The following ZNF652 variants were observed in gnomAD, a reference collection of about 807,000 sequenced individuals.
ZNF652 encodes zinc finger protein 652.
A neutral mutation model predicts 45.2 loss-of-function variants in ZNF652; 16 were observed. The ratio of observed to expected loss-of-function variants is 0.35; its 90% CI spans 0.24 to 0.54. The LOEUF (loss-of-function observed/expected upper bound fraction) is 0.54. Among genes scored for constraint, ZNF652 ranks in the 20% least tolerant of loss-of-function variants. The pLI is 0.91. For missense variants in ZNF652, 614 were observed against 765.6 expected (o/e 0.80, Z 2.34); for synonymous variants, 250 against 260.6 (o/e 0.96, Z 0.39).
Position 49,356,954 on chromosome 17 carries a change from T to C in ZNF652, c.-259+4955A>G, listed in dbSNP as rs141603070. On this transcript the variant is annotated intron_variant, in intron 1 of 5. Coordinates refer to ENST00000430262, the MANE Select transcript of ZNF652 (RefSeq NM_001145365.3). ...AATAAAACTGTATACATGGCCCTAA[T>C]TGCATTTACTTTTCAAGGTAATCAA... is the stretch of plus-strand genomic sequence containing the variant. Among the ~76,000 whole-genome samples the C allele has an allele frequency of 2.2e-3, 329 of 151,702 alleles. 2 individuals are homozygous for C. The highest frequency in any genetic ancestry group is 7.5e-3 in the African/African-American group (308 of 41,340).
intron 1 of ZNF652, among the ~76,000 whole-genome samples, chr17:49,323,945 T>C (rs2069926616): frequency 6.6e-6 from 1 of 152,218 alleles, no homozygotes; most frequent in African/African-American, 2.4e-5. Context: ...TTTGGAATAG[T>C]AAGTGAACAA....
chr17:49,317,802 A>G lies in ZNF652; in HGVS notation c.-77T>C. The G allele has an allele frequency of 7.2e-7, 1 of 1,381,730 alleles. No homozygotes were observed. Among genetic ancestry groups the G allele is most frequent in the South Asian group, 1.6e-5 (1 of 63,092 alleles). The allele number at this position is 1,381,730 out of a possible 1,614,324, so 85.6% of individuals were successfully genotyped here. A position where few individuals can be genotyped will look rare whatever the true frequency, so the allele number is the denominator to read the frequency against. On this transcript the variant is annotated 5_prime_UTR_variant, in exon 2 of 6. Transcript: ENST00000430262. The stretch of plus-strand genomic sequence containing the variant: ...AAAACAAGGTAATTATTAAGACTCA[A>G]ATCTTTTCTCATCCACAAAGAATCA...
At chr17:49,346,737 A>G (rs1158610461) in intron 1 of ZNF652, among the ~76,000 whole-genome samples, 1 of 152,248 alleles carries the variant, frequency 6.6e-6, no homozygotes, top group East Asian at 1.9e-4. Flanking sequence ...TTATCACATC[A>G]AAATGTATAC....
intron 5 of ZNF652, among the ~76,000 whole-genome samples, chr17:49,302,836 C>T (rs913619408): frequency 1.3e-5 from 2 of 151,816 alleles, no homozygotes; most frequent in African/African-American, 4.8e-5. Flanking sequence ...GTGGCACGCA[C>T]CTGTAGTCCC....
At chr17:49,324,718 G>C (rs1207585824) in intron 1 of ZNF652, among the ~76,000 whole-genome samples, 4 of 136,330 alleles carry the variant, frequency 2.9e-5, no homozygotes, top group South Asian at 2.4e-4. Flanking sequence ...TCATTCATGT[G>C]TTCACTGGGG....
chr17:49,356,459 C>CAAA (rs59499602), intron 1 of ZNF652, among the ~76,000 whole-genome samples: 1 of 123,120 alleles, frequency 8.1e-6, no homozygotes, highest in Admixed American at 8.7e-5. Flanking sequence ...AAATCAAAAC[C>CAAA]AAAAAAAAAA....
intron 1 of ZNF652, among the ~76,000 whole-genome samples, chr17:49,348,441 G>C (rs1367129543): frequency 2.1e-5 from 3 of 146,092 alleles, no homozygotes; most frequent in Non-Finnish European, 4.5e-5. Flanking sequence ...AGCCAAGACT[G>C]AGCCTCAGGC....
chr17:49,306,902 G>A (rs1318928339), intron 5 of ZNF652, among the ~76,000 whole-genome samples: 2 of 151,974 alleles, frequency 1.3e-5, no homozygotes, highest in South Asian at 4.2e-4. Context: ...ACAGGCATGC[G>A]CCACCACACT....
At chr17:49,326,325 C>G (rs2069956368) in intron 1 of ZNF652, among the ~76,000 whole-genome samples, 1 of 150,320 alleles carries the variant, frequency 6.7e-6, no homozygotes, top group Non-Finnish European at 1.5e-5. Flanking sequence ...AGGAGACAAG[C>G]AAAAAGCCAA....
Position 49,317,792 on chromosome 17 carries a change from T to C in ZNF652, c.-67A>G, listed in dbSNP as rs2069831826. 1 of 1,431,888 alleles carries C rather than the reference T, an allele frequency of 7.0e-7. No homozygotes were observed. Among genetic ancestry groups the C allele is most frequent in the South Asian group, 1.5e-5 (1 of 66,332 alleles). The allele number at this position is 1,431,888 out of a possible 1,614,324, so 88.7% of individuals were successfully genotyped here. On this transcript the variant is annotated 5_prime_UTR_variant, in exon 2 of 6. Coordinates refer to ENST00000430262, the MANE Select transcript of ZNF652 (RefSeq NM_001145365.3). The stretch of plus-strand genomic sequence containing the variant: ...AAATAGCTTTAAAACAAGGTAATTA[T>C]TAAGACTCAAATCTTTTCTCATCCA...
intron 2 of ZNF652, among the ~76,000 whole-genome samples, chr17:49,314,850 C>T (rs2069776341): frequency 6.6e-6 from 1 of 152,080 alleles, no homozygotes; most frequent in Admixed American, 6.5e-5. Context: ...CAGACTACTA[C>T]TATCAGCCAT....
rs1307017610 is a variant in ZNF652, at chr17:49,292,529, T to C, written c.*5884A>G. Among the ~76,000 whole-genome samples the C allele has an allele frequency of 6.6e-6, 1 of 151,434 alleles. No individual in the cohort carries two copies. The highest frequency in any genetic ancestry group is 1.5e-5 in the Non-Finnish European group (1 of 68,022). On this transcript the variant is annotated 3_prime_UTR_variant, in exon 6 of 6. Coordinates refer to ENST00000430262, the MANE Select transcript of ZNF652 (RefSeq NM_001145365.3). ...CAATTTTAAATTAATTTGACTAAAA[T>C]AAAGAGTATAGTCTTGCAAAATGTG...
intron 1 of ZNF652, among the ~76,000 whole-genome samples, chr17:49,348,479 A>AAAAGAAAAGAAAAGAAAAG (rs2070231690): frequency 8.9e-6 from 1 of 111,874 alleles, no homozygotes; most frequent in Non-Finnish European, 1.7e-5. Flanking sequence ...CCTTGCCTCA[A>AAAAGAAAAGAAAAGAAAAG]AAAAGAAAAG....
chr17:49,322,388 CCTTT>C (rs1422371424), intron 1 of ZNF652: 3 of 152,194 alleles, frequency 2.0e-5, no homozygotes, highest in African/African-American at 7.2e-5. Flanking sequence ...TCTATACCTT[CCTTT>C]AAGGCAAGCA....
At position 49,317,046 on chromosome 17, in the gene ZNF652, G is replaced by A; in HGVS notation, c.680C>T (p.Thr227Ile). ...VEPPKRKKRA[T>I]KEPKAPVQKA... ...CTGGACTGGTGCTTTGGGCTCCTTT[G>A]TGGCCCGCTTCTTACGCTTAGGTGG... Residue 227 changes from threonine (T) to isoleucine (I), a missense_variant, in exon 2 of 6, where the codon ACA (threonine) becomes ATA (isoleucine). Coordinates refer to ENST00000430262, the MANE Select transcript of ZNF652 (RefSeq NM_001145365.3). 3 of 1,613,966 alleles carry A rather than the reference G, an allele frequency of 1.9e-6. No individual in the cohort carries two copies. The highest frequency in any genetic ancestry group is 2.5e-6 in the Non-Finnish European group (3 of 1,179,988).
intron 1 of ZNF652, among the ~76,000 whole-genome samples, chr17:49,327,503 G>A (rs2069967755): frequency 6.6e-6 from 1 of 151,562 alleles, no homozygotes; most frequent in Non-Finnish European, 1.5e-5. Context: ...CATTTATGAA[G>A]TGCCTACTAT....
rs972309390 is a variant in ZNF652, at chr17:49,293,705, C to A, written c.*4708G>T. Among the ~76,000 whole-genome samples, 22 of 135,148 alleles carry A rather than the reference C, an allele frequency of 1.6e-4. No individual in the cohort carries two copies. The highest frequency in any genetic ancestry group is 6.0e-4 in the African/African-American group (22 of 36,944). The allele number at this position is 135,148 out of a possible 152,430, so 88.7% of individuals were successfully genotyped here. On this transcript the variant is annotated 3_prime_UTR_variant, in exon 6 of 6. Transcript: ENST00000430262. Reference sequence around the variant, plus strand: ...AAAAAACTCTTAAGTAATTTCCTATCTTGGTTCAGGCAAAGGAAAATTAAA... The same window carrying A: ...AAAAAACTCTTAAGTAATTTCCTATATTGGTTCAGGCAAAGGAAAATTAAA...
Position 49,333,722 on chromosome 17 carries a change from GA to G in ZNF652, c.-258-15740del, listed in dbSNP as rs749640282. ...GCGACAGAGTGAGACTCTGTCTCAA[GA>G]AAAAAAAAAAAAAAAAAAAAGAAGA... On this transcript the variant is annotated intron_variant, in intron 1 of 5. Coordinates refer to ENST00000430262, the MANE Select transcript of ZNF652 (RefSeq NM_001145365.3). Among the ~76,000 whole-genome samples the G allele has an allele frequency of 4.2e-3, 236 of 56,540 alleles. 2 individuals are homozygous for G. Among genetic ancestry groups the G allele is most frequent in the South Asian group, 0.029 (47 of 1,618 alleles). The allele number at this position is 56,540 out of a possible 152,430, so 37.1% of individuals were successfully genotyped here.
intron 5 of ZNF652, among the ~76,000 whole-genome samples, chr17:49,300,494 C>G (rs189132636): frequency 4.6e-5 from 7 of 152,254 alleles, no homozygotes; most frequent in African/African-American, 1.7e-4. Context: ...TAGTTCCATG[C>G]TGTGTCTGCC....
Sources: allele counts gnomAD v4.1 joint callset (sites outside exome capture counted in the v4.1 genomes callset), GRCh38; gene constraint gnomAD v4.1.1; transcripts MANE v1.5; gene names NCBI Gene and HGNC (gene_info 2026-07-23, HGNC 2026-07-21).